Variants in PRKG1 observed in about 807,000 individuals in gnomAD.
The protein encoded by PRKG1 is protein kinase cGMP-dependent 1.
PRKG1 carries 35 observed loss-of-function variants against 88.1 expected under a neutral mutation model. The ratio of observed to expected loss-of-function variants is 0.40; its 90% confidence interval spans 0.30 to 0.53. The LOEUF (loss-of-function observed/expected upper bound fraction) is 0.53, where lower values mean the gene tolerates loss of function less well. PRKG1 is among the 20% of genes least tolerant of loss of function. PRKG1 has a pLI of 0.59. For missense variants in PRKG1, 540 were observed against 839.8 expected, an observed-to-expected ratio of 0.64 and a Z score of 4.41; for synonymous variants, 303 against 292.5, an observed-to-expected ratio of 1.04 and a Z score of -0.37.
At chr10:52,205,320 T>G (rs573310268) in intron 9 of PRKG1, among the ~76,000 whole-genome samples, 152 of 152,264 alleles carry the variant, frequency 1.0e-3, no homozygotes, top group Admixed American at 6.3e-3. Flanking sequence ...TAATAAAAAC[T>G]TGCTGGTTTT....
At chr10:51,995,262 A>G (rs956847735) in intron 5 of PRKG1, among the ~76,000 whole-genome samples, 3 of 152,108 alleles carry the variant, frequency 2.0e-5, no homozygotes, top group Admixed American at 2.0e-4. Context: ...TGTGGTAGGT[A>G]CTTAATCAGA....
intron 17 of PRKG1, among the ~76,000 whole-genome samples, chr10:52,292,583 C>T (rs1319688393): frequency 2.0e-5 from 3 of 151,844 alleles, no homozygotes; most frequent in Non-Finnish European, 2.9e-5. Context: ...AGATATGCGG[C>T]GTTATTTCTG....
intron 1 of PRKG1, among the ~76,000 whole-genome samples, chr10:51,041,785 T>C (rs1005039252): frequency 7.2e-5 from 11 of 152,214 alleles, no homozygotes; most frequent in Admixed American, 7.2e-4. Flanking sequence ...GGCATGGTTA[T>C]GAGGAGTGGT....
intron 9 of PRKG1, among the ~76,000 whole-genome samples, chr10:52,177,135 T>C (rs755377311): frequency 7.9e-5 from 12 of 152,238 alleles, no homozygotes; most frequent in Non-Finnish European, 1.2e-4. Context: ...CCATTCAGTA[T>C]GTTAGGTGAC....
chr10:52,068,951 TA>T (rs1424072946), intron 7 of PRKG1, among the ~76,000 whole-genome samples: 1 of 152,202 alleles, frequency 6.6e-6, no homozygotes, highest in Non-Finnish European at 1.5e-5. Context: ...AGTTACCTGT[TA>T]AATGGTGGCA....
At position 51,698,193 on chromosome 10, in the gene PRKG1, T is replaced by C. The variant is rs750928413; in HGVS notation, c.593-106392T>C. ...CTCATCTCCAATCCTCTTGCATCCA[T>C]GCCCCTTGCTTCCATCCCTCTGGTT... On this transcript the variant is annotated intron_variant, in intron 3 of 17. Transcript: ENST00000373980. 2 of 1,614,172 alleles carry C rather than the reference T, an allele frequency of 1.2e-6. No individual in the cohort carries two copies. The highest frequency in any genetic ancestry group is 1.1e-5 in the South Asian group (1 of 91,092).
At chr10:52,282,063 A>C in intron 13 of PRKG1, 90 bp from the exon 14 acceptor site, 2 of 1,233,382 alleles carry the variant, frequency 1.6e-6, no homozygotes, top group South Asian at 3.7e-5. Flanking sequence ...TTTTTAAATT[A>C]TTATCATCAT....
chr10:51,549,732 T>C (rs1842535428), intron 3 of PRKG1, among the ~76,000 whole-genome samples: 1 of 152,132 alleles, frequency 6.6e-6, no homozygotes, highest in South Asian at 2.1e-4. Flanking sequence ...ATGAAGCTGC[T>C]CAGTGTCTTA....
At chr10:51,725,850 G>C (rs1226008445) in intron 3 of PRKG1, among the ~76,000 whole-genome samples, 3 of 152,084 alleles carry the variant, frequency 2.0e-5, no homozygotes, top group Admixed American at 2.0e-4. Flanking sequence ...TGTTGGCTAG[G>C]CTGGTCTTGA....
intron 5 of PRKG1, among the ~76,000 whole-genome samples, chr10:51,965,132 C>T (rs2454574): frequency 0.48 from 73,281 of 151,770 alleles, 18,406 homozygotes; most frequent in Middle Eastern, 0.55. Context: ...AGGTTTGTTC[C>T]GTAGGTAAAC....
chr10:51,381,256 T>TAAAAAAAAAAAAAAAAAAAAAAAAAA lies in PRKG1; in HGVS notation c.479-86448_479-86423dup, dbSNP rs71029366. On this transcript the variant is annotated intron_variant, in intron 2 of 17. Transcript: ENST00000373980. ...TGGGCAACAGAGCAAGCCTCCATCT[T>TAAAAAAAAAAAAAAAAAAAAAAAAAA]AAAAAAAAAAAAAAAAAAAAAAAAA... Among the ~76,000 whole-genome samples, 26 of 32,058 alleles carry TAAAAAAAAAAAAAAAAAAAAAAAAAA rather than the reference T, an allele frequency of 8.1e-4. 2 individuals carry two copies. Among genetic ancestry groups the TAAAAAAAAAAAAAAAAAAAAAAAAAA allele is most frequent in the East Asian group, 2.5e-3 (2 of 788 alleles). The allele number at this position is 32,058 out of a possible 152,430, so 21.0% of individuals were successfully genotyped here.
chr10:52,279,754 C>G (rs544005893), intron 12 of PRKG1, among the ~76,000 whole-genome samples: 1 of 152,158 alleles, frequency 6.6e-6, no homozygotes, highest in East Asian at 1.9e-4. Context: ...TTAATAAAAT[C>G]ACTTGTGTGC....
chr10:51,642,154 G>T (rs1024440494), intron 3 of PRKG1, among the ~76,000 whole-genome samples: 4 of 152,160 alleles, frequency 2.6e-5, no homozygotes, highest in African/African-American at 4.8e-5. Flanking sequence ...CACTTTGGGA[G>T]GCCAAGGCGG....
intron 2 of PRKG1, among the ~76,000 whole-genome samples, chr10:51,307,319 A>T (rs1164494423): frequency 3.3e-5 from 5 of 152,088 alleles, no homozygotes; most frequent in Admixed American, 3.3e-4. Flanking sequence ...TTATTATCTT[A>T]ATTTTGTAGA....
At chr10:52,074,312 A>C (rs902619513) in intron 7 of PRKG1, among the ~76,000 whole-genome samples, 1 of 152,164 alleles carries the variant, frequency 6.6e-6, no homozygotes, top group African/African-American at 2.4e-5. Context: ...TTTATAGAAA[A>C]GGGATCAGCT....
At chr10:51,203,834 G>A (rs1837974906) in intron 2 of PRKG1, among the ~76,000 whole-genome samples, 1 of 152,110 alleles carries the variant, frequency 6.6e-6, no homozygotes, top group African/African-American at 2.4e-5. Flanking sequence ...TCCTCCTCAG[G>A]GACAAAACCT....
At chr10:51,138,558 T>C (rs1271370546) in intron 1 of PRKG1, among the ~76,000 whole-genome samples, 2 of 152,178 alleles carry the variant, frequency 1.3e-5, no homozygotes, top group African/African-American at 4.8e-5. Context: ...ATTTCCTCAA[T>C]ATTAGTGAAT....
At chr10:52,055,370 TA>T (rs1846085888) in intron 6 of PRKG1, among the ~76,000 whole-genome samples, 1 of 152,140 alleles carries the variant, frequency 6.6e-6, no homozygotes, top group Admixed American at 6.5e-5. Context: ...ATATTGATAG[TA>T]AAAACTACTA....
chr10:51,156,791 G>A (rs1904690), intron 2 of PRKG1, among the ~76,000 whole-genome samples: 5,250 of 152,010 alleles, frequency 0.035, 300 homozygotes, highest in African/African-American at 0.12. Flanking sequence ...TGTATCATTA[G>A]TTCAATCTTC....
Sources: gnomAD v4.1 joint callset for allele counts (sites outside exome capture counted in the v4.1 genomes callset) on GRCh38, gnomAD v4.1.1 for gene constraint, MANE v1.5 for transcripts, NCBI Gene and HGNC (gene_info 2026-07-23, HGNC 2026-07-21) for gene names.